RERE: variants seen among roughly 807,000 people sequenced by gnomAD.
RERE encodes the protein arginine-glutamic acid dipeptide repeats, also known as arginine-glutamic acid dipeptide repeats protein.
RERE carries 40 observed loss-of-function variants against 146.1 expected under a neutral mutation model. The ratio of observed to expected loss-of-function variants is 0.27; its 90% CI spans 0.21 to 0.36. The LOEUF is 0.36. Ranked by LOEUF, RERE falls within the 10% of genes least tolerant of loss-of-function variation. RERE has a pLI of 1.00. For missense variants in RERE, 1,933 were observed against 2,138.7 expected (o/e 0.90, Z 1.90); for synonymous variants, 1,003 against 866.0 (o/e 1.16, Z -2.78).
chr1:8,767,693 A>T (rs1640874391), intron 1 of RERE, among the ~76,000 whole-genome samples: 1 of 151,632 alleles, frequency 6.6e-6, no homozygotes, highest in African/African-American at 2.4e-5. Context: ...AAAAAAAATT[A>T]AAAATAGCCT....
chr1:8,378,624 G>T (rs550621084), intron 12 of RERE, among the ~76,000 whole-genome samples: 37 of 152,344 alleles, frequency 2.4e-4, no homozygotes, highest in African/African-American at 8.7e-4. Context: ...GGCATCTACA[G>T]CCAAGGTGAG....
intron 7 of RERE, among the ~76,000 whole-genome samples, chr1:8,535,943 T>C (rs2124379533): frequency 6.6e-6 from 1 of 151,858 alleles, no homozygotes; most frequent in South Asian, 2.1e-4. Flanking sequence ...CCCTCTCTAC[T>C]AAAAATACAA....
At chr1:8,757,868 GGATA>G (rs564335455) in intron 1 of RERE, among the ~76,000 whole-genome samples, 3 of 150,898 alleles carry the variant, frequency 2.0e-5, no homozygotes, top group East Asian at 1.9e-4. Flanking sequence ...ACAGATGAAT[GGATA>G]AAGTCACATA....
At chr1:8,668,781 T>C (rs1229719000) in intron 1 of RERE, among the ~76,000 whole-genome samples, 6 of 152,154 alleles carry the variant, frequency 3.9e-5, no homozygotes, top group Non-Finnish European at 1.5e-5. Context: ...AGAGAGCAGA[T>C]TACTTGTTGC....
At chr1:8,372,507 C>CAT (rs1553157691) in intron 12 of RERE, among the ~76,000 whole-genome samples, 4 of 131,764 alleles carry the variant, frequency 3.0e-5, no homozygotes, top group African/African-American at 1.1e-4. Context: ...ACCATCAGGT[C>CAT]GTGTGTGTGT....
intron 1 of RERE, among the ~76,000 whole-genome samples, chr1:8,685,303 A>G (rs1274166511): frequency 6.6e-6 from 1 of 152,276 alleles, no homozygotes; most frequent in Non-Finnish European, 1.5e-5. Context: ...GGTAAGTAAA[A>G]TATTTTAAAG....
At position 8,787,915 on chromosome 1, in the gene RERE, T is replaced by C. The variant is rs182773847; in HGVS notation, c.-145+29245A>G. 2.7e-5 allele frequency among the ~76,000 whole-genome samples: 4 copies of C among 150,314 alleles called. No homozygotes were observed. The East Asian group carries it at 7.8e-4, about 29-fold the overall frequency. ...AAAAGTATTACCAGCCTGGGCAACATGGCAAAACCCCATCTCTACAAAAAA... is the reference window on the plus strand; with the variant it reads ...AAAAGTATTACCAGCCTGGGCAACACGGCAAAACCCCATCTCTACAAAAAA... On this transcript the variant is annotated intron_variant, in intron 1 of 22. Coordinates refer to ENST00000400908, the MANE Select transcript of RERE (RefSeq NM_001042681.2).
At chr1:8,442,493 A>G (rs1360952060) in intron 11 of RERE, among the ~76,000 whole-genome samples, 1 of 152,062 alleles carries the variant, frequency 6.6e-6, no homozygotes, top group African/African-American at 2.4e-5. Context: ...CATAAGTAAA[A>G]GCTCCCTGAG....
intron 2 of RERE, among the ~76,000 whole-genome samples, chr1:8,640,347 T>A (rs748858724): frequency 6.6e-6 from 1 of 152,116 alleles, no homozygotes; most frequent in Non-Finnish European, 1.5e-5. Flanking sequence ...CTGTCAAGTA[T>A]CAACATCTGT....
chr1:8,776,730 C>CT (rs1641070147), intron 1 of RERE, among the ~76,000 whole-genome samples: 1 of 151,810 alleles, frequency 6.6e-6, no homozygotes, highest in African/African-American at 2.4e-5. Flanking sequence ...ATTTTATTAT[C>CT]TTTTTTTTGA....
chr1:8,648,445 TG>T (rs1245147259), intron 2 of RERE, among the ~76,000 whole-genome samples: 2 of 152,192 alleles, frequency 1.3e-5, no homozygotes, highest in Non-Finnish European at 2.9e-5. Context: ...TTGCCCAAGC[TG>T]GTCTTGAACT....
chr1:8,790,747 AT>A (rs1208906085), intron 1 of RERE, among the ~76,000 whole-genome samples: 1 of 152,174 alleles, frequency 6.6e-6, no homozygotes, highest in Non-Finnish European at 1.5e-5. Flanking sequence ...CCATGCCCAA[AT>A]AATTTTTTTG....
At chr1:8,432,859 T>G (rs1644113730) in intron 11 of RERE, among the ~76,000 whole-genome samples, 1 of 152,216 alleles carries the variant, frequency 6.6e-6, no homozygotes, top group African/African-American at 2.4e-5. Flanking sequence ...AATCATATTT[T>G]AAAATGGGAT....
At chr1:8,448,411 G>A (rs1644349363) in intron 11 of RERE, among the ~76,000 whole-genome samples, 1 of 151,882 alleles carries the variant, frequency 6.6e-6, no homozygotes, top group African/African-American at 2.4e-5. Context: ...ATTTTCCACA[G>A]ATAGATGAAG....
At chr1:8,737,568 T>C (rs1431324852) in intron 1 of RERE, among the ~76,000 whole-genome samples, 1 of 151,798 alleles carries the variant, frequency 6.6e-6, no homozygotes, top group African/African-American at 2.4e-5. Flanking sequence ...GCTCTATCAA[T>C]GTTCAGGAAG....
At chr1:8,383,638 A>C (rs1051773984) in intron 12 of RERE, among the ~76,000 whole-genome samples, 6 of 152,106 alleles carry the variant, frequency 3.9e-5, no homozygotes, top group African/African-American at 1.4e-4. Flanking sequence ...AGGTGGGTGG[A>C]TCACGAGGTC....
At chr1:8,553,930 C>G (rs994687473) in intron 6 of RERE, among the ~76,000 whole-genome samples, 1 of 152,204 alleles carries the variant, frequency 6.6e-6, no homozygotes, top group African/African-American at 2.4e-5. Context: ...GTAATCCCAG[C>G]ACTTTGGGAG....
intron 7 of RERE, among the ~76,000 whole-genome samples, chr1:8,511,045 C>A (rs539414558): frequency 6.6e-6 from 1 of 152,160 alleles, no homozygotes; most frequent in Non-Finnish European, 1.5e-5. Flanking sequence ...TGAGCCACCG[C>A]ACTCACCGCC....
chr1:8,380,357 TA>T (rs201261625), intron 12 of RERE, among the ~76,000 whole-genome samples: 2,962 of 121,176 alleles, frequency 0.024, 112 homozygotes, highest in African/African-American at 0.089. Flanking sequence ...TTTTTTTTTT[TA>T]AACGAAACAA....
Sources: gnomAD v4.1 joint callset for allele counts (sites outside exome capture counted in the v4.1 genomes callset) on GRCh38, gnomAD v4.1.1 for gene constraint, MANE v1.5 for transcripts, NCBI Gene and HGNC (gene_info 2026-07-23, HGNC 2026-07-21) for gene names.